Variants in CLASRP observed in about 807,000 individuals in gnomAD.
CLASRP encodes CLK4-associating serine/arginine rich protein.
In CLASRP, 52 loss-of-function variants were observed where a neutral mutation model predicts 99.9. The observed-to-expected ratio is 0.52, with a 90% CI of 0.42 to 0.66. CLASRP has a LOEUF of 0.66. Ranked by LOEUF, CLASRP falls within the 30% of genes least tolerant of loss-of-function variation. The probability of loss-of-function intolerance (pLI) is 0.00; values close to 1 mark genes in which losing one functional copy is unlikely to be tolerated. For synonymous variants in CLASRP, 379 were observed against 373.0 expected (o/e 1.02, Z -0.18); for missense variants, 848 against 999.2 (o/e 0.85, Z 2.04).
At chr19:45,053,916 C>T (rs549265048) in intron 5 of CLASRP, among the ~76,000 whole-genome samples, 1 of 152,306 alleles carries the variant, frequency 6.6e-6, no homozygotes, top group Non-Finnish European at 1.5e-5. Flanking sequence ...ACACTATGCC[C>T]AGCCAGGAAC....
intron 19 of CLASRP, 26 bp from the exon 20 acceptor site, chr19:45,070,511 C>T (rs377617601): frequency 6.2e-7 from 1 of 1,613,156 alleles, no homozygotes; most frequent in Admixed American, 1.7e-5. Flanking sequence ...TGTTTGCTCG[C>T]TCTTCACCTG....
chr19:45,059,900 C>T (rs188016399), intron 8 of CLASRP, among the ~76,000 whole-genome samples: 15 of 152,278 alleles, frequency 9.9e-5, no homozygotes, highest in Admixed American at 2.6e-4. Context: ...TCCTCTCAAC[C>T]GCCACCATCC....
Position 45,064,140 on chromosome 19 carries a change from C to T in CLASRP, c.1034C>T (p.Ala345Val). 6.2e-7 allele frequency: 1 copy of T among 1,611,424 alleles called. No homozygotes were observed. The highest frequency in any genetic ancestry group is 1.3e-5 in the African/African-American group (1 of 74,998). The change falls in exon 12 of 21, where the codon GCC (alanine) becomes GTC (valine). Residue 345 changes from alanine (A) to valine (V), a missense_variant. Coordinates refer to ENST00000221455, the MANE Select transcript of CLASRP (RefSeq NM_007056.3). ...SDEEAAAAAAAAAASGVTTGK... is the reference protein window; with the variant it reads ...SDEEAAAAAAVAAASGVTTGK... ...GAGGAGGCAGCCGCAGCCGCTGCTG[C>T]CGCAGCAGCATCAGGAGTCACCACA...
chr19:45,053,134 C>T lies in CLASRP; in HGVS notation c.336C>T (p.Asn112=). Residue 112 remains asparagine (N), a synonymous_variant, in exon 5 of 21, where the codon AAC becomes AAT. Transcript: ENST00000221455. ...AGGAGTCGGACGAACGGAAGTGTAA[C>T]TACGAGCGCTACAGAGGCCTGGTGC... ...PEQESDERKC[N]YERYRGLVQN... 1.2e-6 allele frequency: 2 copies of T among 1,614,064 alleles called. No homozygotes were observed. Among genetic ancestry groups the T allele is most frequent in the East Asian group, 2.2e-5 (1 of 44,874 alleles).
chr19:45,053,683 T>G (rs996468162), intron 5 of CLASRP, among the ~76,000 whole-genome samples: 2 of 152,186 alleles, frequency 1.3e-5, no homozygotes, highest in Admixed American at 1.3e-4. Context: ...TTTCGCCATA[T>G]TGGCCAGGCT....
chr19:45,070,579 C>T lies in CLASRP; in HGVS notation c.1982+18C>T. 2.5e-6 allele frequency: 4 copies of T among 1,609,800 alleles called. No homozygotes were observed. Among genetic ancestry groups the T allele is most frequent in the Middle Eastern group, 1.7e-4 (1 of 6,054 alleles). ...TCTCGAAGGTAAGGAAGCCCATGAC[C>T]CTCCACTTTCTTGGAAGTAACACTT... On this transcript the variant is annotated intron_variant, in intron 20 of 20. Coordinates refer to ENST00000221455, the MANE Select transcript of CLASRP (RefSeq NM_007056.3).
At position 45,056,885 on chromosome 19, in the gene CLASRP, G is replaced by C. The variant is rs544056442; in HGVS notation, c.464+351G>C. On this transcript the variant is annotated intron_variant, in intron 6 of 20. Coordinates refer to ENST00000221455, the MANE Select transcript of CLASRP (RefSeq NM_007056.3). The stretch of plus-strand genomic sequence containing the variant: ...GGGCTGGCAGGAGGCCCTACTGCCT[G>C]GAGTTGGGAGGCATGCAGGAGATGG... Among the ~76,000 whole-genome samples the C allele has an allele frequency of 6.6e-5, 10 of 152,300 alleles. No homozygotes were observed. In the East Asian group the frequency reaches 1.9e-3, roughly 29 times the overall value.
At chr19:45,065,448 C>T (rs986164740) in intron 13 of CLASRP, among the ~76,000 whole-genome samples, 1 of 151,230 alleles carries the variant, frequency 6.6e-6, no homozygotes, top group Non-Finnish European at 1.5e-5. Flanking sequence ...GTAGTCCCAG[C>T]TATGCAGGAG....
At chr19:45,045,544 C>T (rs960015536) in intron 2 of CLASRP, among the ~76,000 whole-genome samples, 4 of 151,900 alleles carry the variant, frequency 2.6e-5, no homozygotes, top group African/African-American at 4.8e-5. Flanking sequence ...GATGTTTTCC[C>T]GTAACATTTC....
chr19:45,056,632 C>A, intron 6 of CLASRP, 98 bp downstream of exon 6: 1 of 935,508 alleles, frequency 1.1e-6, no homozygotes, highest in East Asian at 2.5e-5. Flanking sequence ...AGGGTCTCCC[C>A]GAAACCAAGG....
At chr19:45,042,054 A>G (rs1320851606) in intron 2 of CLASRP, among the ~76,000 whole-genome samples, 1 of 152,232 alleles carries the variant, frequency 6.6e-6, no homozygotes, top group Non-Finnish European at 1.5e-5. Context: ...TAAGATACAC[A>G]TACATGGGCC....
intron 4 of CLASRP, 39 bp downstream of exon 4, chr19:45,052,931 T>C: frequency 1.9e-6 from 3 of 1,563,186 alleles, no homozygotes; most frequent in South Asian, 2.3e-5. Flanking sequence ...CACAGCGTCA[T>C]ACCCAGGAGC....
chr19:45,068,590 C>A, intron 16 of CLASRP, 110 bp downstream of exon 16: 1 of 818,938 alleles, frequency 1.2e-6, no homozygotes, highest in Non-Finnish European at 2.1e-6. Context: ...CTAGAGAGGC[C>A]ACGCAGGCAC....
intron 5 of CLASRP, among the ~76,000 whole-genome samples, chr19:45,054,050 G>C (rs970696220): frequency 1.3e-5 from 2 of 152,198 alleles, no homozygotes; most frequent in Admixed American, 1.3e-4. Context: ...AAGTGTTCAT[G>C]TATGTCCAGG....
At chr19:45,064,298 G>A (rs1329113080) in intron 12 of CLASRP, 45 bp from the exon 13 acceptor site, 5 of 1,506,024 alleles carry the variant, frequency 3.3e-6, no homozygotes, top group Non-Finnish European at 4.4e-6. Flanking sequence ...GAGGGGGGCC[G>A]CGGCTCAGGC....
intron 2 of CLASRP, among the ~76,000 whole-genome samples, chr19:45,043,411 CA>C (rs34898629): frequency 5.2e-3 from 422 of 81,754 alleles, no homozygotes; most frequent in African/African-American, 0.016. Context: ...GACTCCGTCC[CA>C]AAAAAAAAAA....
rs1157760943 is a variant in CLASRP at position 45,062,096 on chromosome 19, T to G, written c.864-58T>G. The G allele has an allele frequency of 2.9e-6, 3 of 1,044,550 alleles. No homozygotes were observed. The African/African-American group carries it at 4.7e-5, about 16-fold the overall frequency. The allele number at this position is 1,044,550 out of a possible 1,614,324, so 64.7% of individuals were successfully genotyped here. A position where few individuals can be genotyped will look rare whatever the true frequency, so the allele number is the denominator to read the frequency against. On this transcript the variant is annotated intron_variant, in intron 10 of 20. Transcript: ENST00000221455. ...CTCAGGTTGGCGGGCTTATCCCAAA[T>G]TCATGACTGCTGAGATCTTAAGCCC...
intron 11 of CLASRP, among the ~76,000 whole-genome samples, chr19:45,063,501 A>G (rs190558577): frequency 1.4e-4 from 17 of 120,874 alleles, no homozygotes; most frequent in African/African-American, 5.1e-4. Flanking sequence ...GCTGGTGTGC[A>G]GTGGCGTGAC....
At chr19:45,062,061 G>A in intron 10 of CLASRP, 93 bp from the exon 11 acceptor site, 1 of 829,856 alleles carries the variant, frequency 1.2e-6, no homozygotes, top group Non-Finnish European at 2.1e-6. Context: ...CAGGTACCTA[G>A]CTTTGGGTCC....
Sources: gnomAD v4.1 joint callset for allele counts (sites outside exome capture counted in the v4.1 genomes callset) on GRCh38, gnomAD v4.1.1 for gene constraint, MANE v1.5 for transcripts, NCBI Gene and HGNC (gene_info 2026-07-23, HGNC 2026-07-21) for gene names.